Variants in ADGRV1 observed in about 807,000 individuals in gnomAD.
ADGRV1 encodes adhesion G protein-coupled receptor V1, also known as G-protein coupled receptor 98.
A neutral mutation model predicts 596.2 loss-of-function variants in ADGRV1; 359 were observed. The observed-to-expected ratio is 0.60, with a 90% confidence interval of 0.55 to 0.66. The LOEUF (loss-of-function observed/expected upper bound fraction) is 0.66. Among genes scored for constraint, ADGRV1 ranks in the 30% least tolerant of loss-of-function variants. The pLI, the probability that ADGRV1 is intolerant of heterozygous loss-of-function variation, is 0.00. For synonymous variants in ADGRV1, 2,681 were observed against 2,679.2 expected (o/e 1.00, Z -0.02); for missense variants, 7,274 against 7,575.6 (o/e 0.96, Z 1.48).
intron 21 of ADGRV1, among the ~76,000 whole-genome samples, chr5:90,658,774 G>A (rs1230846029): frequency 2.0e-5 from 3 of 151,286 alleles, no homozygotes; most frequent in African/African-American, 7.3e-5. Context: ...TTCTTGGCCA[G>A]CTTAATTCAT....
In ADGRV1 at chr5:90,644,824, T is replaced by G; in HGVS notation, c.2853T>G (p.Asp951Glu). 1.2e-6 allele frequency: 2 copies of G among 1,608,700 alleles called. No homozygotes were observed. The highest frequency in any genetic ancestry group is 1.7e-6 in the Non-Finnish European group (2 of 1,178,092). ...FPVQGTVVFG[D>E]QEFSKNITIY... ...TACAAGGGACTGTTGTCTTTGGAGATCAGGAATTTTCAAAAAATATCACCA... is the reference window on the plus strand; with the variant it reads ...TACAAGGGACTGTTGTCTTTGGAGAGCAGGAATTTTCAAAAAATATCACCA... The change falls in exon 15 of 90, where the codon GAT (aspartate) becomes GAG (glutamate). Residue 951 changes from aspartate to glutamate, a missense_variant. By Grantham distance (45) the Asp-to-Glu change is conservative. Transcript: ENST00000405460.
At position 90,819,079 on chromosome 5, in the gene ADGRV1, G is replaced by C. The variant is rs1581221660; in HGVS notation, c.16196+3343G>C. Among the ~76,000 whole-genome samples the C allele has an allele frequency of 2.6e-5, 4 of 152,182 alleles. No homozygotes were observed. In the East Asian group the frequency reaches 7.7e-4, roughly 29 times the overall value. ...TTTGGTTGGTAAACTATTGATTATT[G>C]CTACAATTTCAGCTCCTGTTATTGG... On this transcript the variant is annotated intron_variant, in intron 75 of 89. Transcript: ENST00000405460.
At chr5:90,922,334 T>G (rs1405414824) in intron 83 of ADGRV1, among the ~76,000 whole-genome samples, 1 of 152,220 alleles carries the variant, frequency 6.6e-6, no homozygotes, top group Non-Finnish European at 1.5e-5. Context: ...GTCCAGTATC[T>G]CTCTGTGGCC....
At chr5:91,018,836 G>A (rs2367185) in intron 85 of ADGRV1, among the ~76,000 whole-genome samples, 102,141 of 151,724 alleles carry the variant, frequency 0.67, 34,474 homozygotes, top group African/African-American at 0.71. Flanking sequence ...GTAAGTTGGC[G>A]AATGACTGGC....
chr5:91,019,899 CTCTG>C (rs1783493082), intron 85 of ADGRV1, among the ~76,000 whole-genome samples: 1 of 152,006 alleles, frequency 6.6e-6, no homozygotes, highest in Non-Finnish European at 1.5e-5. Context: ...ATTTCCTACT[CTCTG>C]TCTGTCTTCC....
rs368199360 is a variant in ADGRV1 at position 90,847,808 on chromosome 5, GGCCCTGGTTCCC to G, written c.17020-813_17020-802del. Among the ~76,000 whole-genome samples the G allele has an allele frequency of 5.5e-3, 833 of 152,290 alleles. 6 individuals carry two copies. Among genetic ancestry groups the G allele is most frequent in the African/African-American group, 0.018 (769 of 41,568 alleles). ...CCCACGCCCACCCGGAACTCGCGCT[GGCCCTGGTTCCC>G]GCCCTGGTTCCCGCCTCTCCCTCCA... On this transcript the variant is annotated intron_variant, in intron 78 of 89. Transcript: ENST00000405460.
At chr5:90,564,411 G>A (rs567298613) in intron 1 of ADGRV1, among the ~76,000 whole-genome samples, 1 of 152,188 alleles carries the variant, frequency 6.6e-6, no homozygotes, top group East Asian at 1.9e-4. Context: ...AGAGGACTGG[G>A]ACTAGCTTAG....
intron 61 of ADGRV1, among the ~76,000 whole-genome samples, chr5:90,777,171 C>T (rs1758334383): frequency 6.6e-6 from 1 of 152,134 alleles, no homozygotes; most frequent in African/African-American, 2.4e-5. Flanking sequence ...CTGACGTGTC[C>T]TACCTGGCTG....
At chr5:90,899,882 A>G (rs149583605) in intron 83 of ADGRV1, among the ~76,000 whole-genome samples, 1 of 152,210 alleles carries the variant, frequency 6.6e-6, no homozygotes, top group Non-Finnish European at 1.5e-5. Context: ...GCCAGCTGAC[A>G]TTCCTCCATC....
At chr5:90,800,968 T>C (rs1483157423) in intron 70 of ADGRV1, among the ~76,000 whole-genome samples, 1 of 152,040 alleles carries the variant, frequency 6.6e-6, no homozygotes, top group Non-Finnish European at 1.5e-5. Flanking sequence ...ATACCTAATA[T>C]AGGTGACGGG....
At chr5:90,701,562 A>G (rs1267961629) in intron 34 of ADGRV1, among the ~76,000 whole-genome samples, 1 of 151,794 alleles carries the variant, frequency 6.6e-6, no homozygotes, top group Non-Finnish European at 1.5e-5. Flanking sequence ...TTTTATTTAT[A>G]TGTGCTTCTC....
At chr5:91,014,653 T>G (rs1373080767) in intron 85 of ADGRV1, among the ~76,000 whole-genome samples, 1 of 152,014 alleles carries the variant, frequency 6.6e-6, no homozygotes, top group Admixed American at 6.6e-5. Flanking sequence ...TTTATCCATC[T>G]CTTCTAGGTT....
At chr5:90,911,011 G>A (rs1352880962) in intron 83 of ADGRV1, among the ~76,000 whole-genome samples, 1 of 152,074 alleles carries the variant, frequency 6.6e-6, no homozygotes, top group Admixed American at 6.6e-5. Context: ...GTATGATATG[G>A]TTATTGTATT....
Position 90,601,021 on chromosome 5 carries a change from G to A in ADGRV1, c.23-13814G>A, listed in dbSNP as rs767606773. On this transcript the variant is annotated intron_variant, in intron 1 of 89. Transcript: ENST00000405460. ...GGAGGCCGAGGCGGGTGGATCACCC[G>A]AGGTCGGGAGTTCAAGACCAGCCTG... Among the ~76,000 whole-genome samples, 4 of 152,112 alleles carry A rather than the reference G, an allele frequency of 2.6e-5. No homozygotes were observed. The South Asian group carries it at 6.2e-4, about 24-fold the overall frequency.
chr5:90,879,105 A>T (rs1769498913), intron 83 of ADGRV1, among the ~76,000 whole-genome samples: 1 of 152,190 alleles, frequency 6.6e-6, no homozygotes, highest in South Asian at 2.1e-4. Context: ...GTCTGCATGC[A>T]AAAGGAAGGA....
chr5:90,823,643 T>A, intron 76 of ADGRV1, 47 bp downstream of exon 76: 1 of 1,496,718 alleles, frequency 6.7e-7, no homozygotes, highest in Non-Finnish European at 9.2e-7. Context: ...ATTATATTTC[T>A]TTAGAATTAA....
chr5:90,823,190 G>GA (rs924496984), intron 75 of ADGRV1, among the ~76,000 whole-genome samples: 1 of 152,078 alleles, frequency 6.6e-6, no homozygotes, highest in Admixed American at 6.5e-5. Context: ...ATTCATTGTT[G>GA]AATGGAGTGT....
chr5:90,906,850 G>A (rs1772370204), intron 83 of ADGRV1, among the ~76,000 whole-genome samples: 1 of 151,958 alleles, frequency 6.6e-6, no homozygotes, highest in South Asian at 2.1e-4. Flanking sequence ...GCTTTCCATT[G>A]TTTTAATGTA....
Position 90,783,994 on chromosome 5 carries a change from C to T in ADGRV1, c.13590C>T (p.Pro4530=), listed in dbSNP as rs41311745. 0.018 allele frequency: 29,133 copies of T among 1,612,110 alleles called. 357 individuals are homozygous for T. The highest frequency in any genetic ancestry group is 0.021 in the Non-Finnish European group (24,323 of 1,178,750). Residue 4530 remains proline, a synonymous_variant, in exon 67 of 90, where the codon CCC becomes CCT. Transcript: ENST00000405460. ...LNQSKISIAN[P]NSTMILSLVL... is the part of the protein sequence containing the mutation. ...AAAGCAAAATTTCTATTGCTAATCC[C>T]AATTCCACAATGATTTTATCACTGG...
Sources: gnomAD v4.1 joint callset for allele counts (sites outside exome capture counted in the v4.1 genomes callset) on GRCh38, gnomAD v4.1.1 for gene constraint, MANE v1.5 for transcripts, NCBI Gene and HGNC (gene_info 2026-07-23, HGNC 2026-07-21) for gene names.